The following KRT14 variants were observed in gnomAD, a reference collection of about 807,000 sequenced individuals.
KRT14 encodes the protein keratin 14.
A neutral mutation model predicts 44.5 loss-of-function variants in KRT14; 30 were observed. The ratio of observed to expected loss-of-function variants is 0.67; its 90% confidence interval spans 0.50 to 0.92. The LOEUF (loss-of-function observed/expected upper bound fraction) is 0.92, where lower values mean the gene tolerates loss of function less well. Ranked by LOEUF, KRT14 falls within the 40% of genes least tolerant of loss-of-function variation. KRT14 has a pLI of 0.00. For synonymous variants in KRT14, 241 were observed against 257.6 expected (o/e 0.94, Z 0.62); for missense variants, 535 against 640.6 (o/e 0.84, Z 1.78).
Position 41,586,535 on chromosome 17 carries a change from AAAGCCACCACCC to A in KRT14, c.288_299del (p.Leu96_Gly99del), listed in dbSNP as rs779907477. On this transcript the variant is annotated inframe_deletion, in exon 1 of 8. Coordinates refer to ENST00000167586, the MANE Select transcript of KRT14 (RefSeq NM_000526.5). Reference sequence around the variant, plus strand: ...CATCACCACCAGCAAAGCCACCACCAAAGCCACCACCCAAGCCAGCACCAAGGCCACCACCAT... The same window carrying A: ...CATCACCACCAGCAAAGCCACCACCAAAGCCAGCACCAAGGCCACCACCAT... 2 of 1,613,822 alleles carry A rather than the reference AAAGCCACCACCC, an allele frequency of 1.2e-6. No homozygotes were observed. The highest frequency in any genetic ancestry group is 1.7e-6 in the Non-Finnish European group (2 of 1,179,852).
At position 41,585,062 on chromosome 17, in the gene KRT14, A is replaced by G. The variant is rs779718959; in HGVS notation, c.526-5T>C. 28 of 1,609,864 alleles carry G rather than the reference A, an allele frequency of 1.7e-5. No individual in the cohort carries two copies. In the African/African-American group the frequency reaches 3.7e-4, roughly 22 times the overall value. On this transcript the variant is annotated splice_region_variant and splice_polypyrimidine_tract_variant and intron_variant, in intron 1 of 7. Coordinates refer to ENST00000167586, the MANE Select transcript of KRT14 (RefSeq NM_000526.5). ...GTCCACTGTGGCTGTGAGAATCTGCAGGATGGAAAAGGCACAGGTAATTTG... is the reference window on the plus strand; with the variant it reads ...GTCCACTGTGGCTGTGAGAATCTGCGGGATGGAAAAGGCACAGGTAATTTG...
At chr17:41,586,211 T>G in intron 1 of KRT14, 99 bp downstream of exon 1, 1 of 1,485,620 alleles carries the variant, frequency 6.7e-7, no homozygotes, top group Non-Finnish European at 9.4e-7. Flanking sequence ...GGGTGGACTC[T>G]GTCCTATAGA....
rs752718025 is a variant in KRT14 at position 41,584,246 on chromosome 17, A to G, written c.765+11T>C. 1.8e-5 allele frequency: 29 copies of G among 1,613,290 alleles called. No homozygotes were observed. The highest frequency in any genetic ancestry group is 2.5e-5 in the Non-Finnish European group (29 of 1,179,802). On this transcript the variant is annotated intron_variant, in intron 3 of 7. Coordinates refer to ENST00000167586, the MANE Select transcript of KRT14 (RefSeq NM_000526.5). ...ATTTCTTTTAAGCTGACTTTTCCAT[A>G]TAGTTCTCACCTCCTCGTGGTTCTT...
At position 41,582,742 on chromosome 17, in the gene KRT14, T is replaced by C. The variant is rs1047286589; in HGVS notation, c.1322-210A>G. On this transcript the variant is annotated intron_variant, in intron 7 of 7. Transcript: ENST00000167586. Reference sequence around the variant, plus strand: ...GCTCCCAAAGGTCAGAGACAGAGTCTTTGCCCTCAGATTAGAGCTTCCTAA... The same window carrying C: ...GCTCCCAAAGGTCAGAGACAGAGTCCTTGCCCTCAGATTAGAGCTTCCTAA... The C allele has an allele frequency of 1.6e-5, 10 of 621,454 alleles. No individual in the cohort carries two copies. In the African/African-American group the frequency reaches 1.8e-4, roughly 11 times the overall value. The allele number at this position is 621,454 out of a possible 1,614,324, so 38.5% of individuals were successfully genotyped here.
intron 1 of KRT14, among the ~76,000 whole-genome samples, chr17:41,585,631 C>T (rs1907501560): frequency 6.6e-6 from 1 of 152,210 alleles, no homozygotes; most frequent in Non-Finnish European, 1.5e-5. Flanking sequence ...ATTGAATTTC[C>T]CTAATCCATG....
Position 41,582,436 on chromosome 17 carries a change from C to T in KRT14, c.1418G>A (p.Ter473=), listed in dbSNP as rs1907365062. 1 of 1,560,524 alleles carries T rather than the reference C, an allele frequency of 6.4e-7. No homozygotes were observed. Among genetic ancestry groups the T allele is most frequent in the Non-Finnish European group, 8.7e-7 (1 of 1,152,326 alleles). The change falls in exon 8 of 8, where the codon TGA becomes TAA. Residue 473 remains the stop codon, a stop_retained_variant. Transcript: ENST00000167586. Reference sequence around the variant, plus strand: ...AGGCCTGAGCGGGGCTGGGCAGCCTCAGTTCTTGGTGCGAAGGACCTGCTC... The same window carrying T: ...AGGCCTGAGCGGGGCTGGGCAGCCTTAGTTCTTGGTGCGAAGGACCTGCTC... ...THEQVLRTKN[*] is the part of the protein sequence containing the mutation.
intron 3 of KRT14, 22 bp from the exon 4 acceptor site, chr17:41,583,943 A>G: frequency 6.2e-7 from 1 of 1,613,722 alleles, no homozygotes; most frequent in South Asian, 1.1e-5. Flanking sequence ...GGGACAGTCC[A>G]CAGTCAGGAG....
chr17:41,586,692 C>G lies in KRT14; in HGVS notation c.143G>C (p.Gly48Ala). ...GSCRAPSTYGGGLSVSSSRFS... is the reference protein window; with the variant it reads ...GSCRAPSTYGAGLSVSSSRFS... ...GCGGGAGGATGAGACAGACAGGCCG[C>G]CCCCGTAGGTGCTGGGGGCGCGGCA... The change falls in exon 1 of 8, where the codon GGC becomes GCC. Residue 48 changes from glycine (G) to alanine (A), a missense_variant. Coordinates refer to ENST00000167586, the MANE Select transcript of KRT14 (RefSeq NM_000526.5). 1 of 1,594,610 alleles carries G rather than the reference C, an allele frequency of 6.3e-7. No homozygotes were observed. Among genetic ancestry groups the G allele is most frequent in the Non-Finnish European group, 8.5e-7 (1 of 1,171,002 alleles).
At chr17:41,582,562 C>T in intron 7 of KRT14, 30 bp from the exon 8 acceptor site, 1 of 1,516,530 alleles carries the variant, frequency 6.6e-7, no homozygotes, top group Non-Finnish European at 9.0e-7. Flanking sequence ...AGGACGTTAC[C>T]AGAGGTGGAC....
At position 41,583,687 on chromosome 17, in the gene KRT14, G is replaced by C. The variant is rs376925607; in HGVS notation, c.928-11C>G. On this transcript the variant is annotated splice_polypyrimidine_tract_variant and intron_variant, in intron 4 of 7. Coordinates refer to ENST00000167586, the MANE Select transcript of KRT14 (RefSeq NM_000526.5). ...GTTCAGCTCCTCTGTCTGCAAAAAAGAGAATGCCATTCACACCAGAAGGCC... is the reference window on the plus strand; with the variant it reads ...GTTCAGCTCCTCTGTCTGCAAAAAACAGAATGCCATTCACACCAGAAGGCC... 1 of 1,614,214 alleles carries C rather than the reference G, an allele frequency of 6.2e-7. No individual in the cohort carries two copies. Among genetic ancestry groups the C allele is most frequent in the Non-Finnish European group, 8.5e-7 (1 of 1,180,028 alleles).
rs201609091 is a variant in KRT14 at position 41,582,417 on chromosome 17, G to A, written c.*18C>T. On this transcript the variant is annotated 3_prime_UTR_variant, in exon 8 of 8. Coordinates refer to ENST00000167586, the MANE Select transcript of KRT14 (RefSeq NM_000526.5). ...TCCACACGGGGGGCCTCCTAGGCCT[G>A]AGCGGGGCTGGGCAGCCTCAGTTCT... The A allele has an allele frequency of 4.5e-6, 7 of 1,548,846 alleles. No individual in the cohort carries two copies. The highest frequency in any genetic ancestry group is 6.1e-6 in the Non-Finnish European group (7 of 1,144,428).
chr17:41,584,546 G>T, intron 2 of KRT14, 133 bp from the exon 3 acceptor site: 5 of 922,258 alleles, frequency 5.4e-6, no homozygotes, highest in Non-Finnish European at 6.9e-6. Context: ...TGAAAATGGC[G>T]TGGTTGAACA....
At chr17:41,583,706 G>C (rs756003354) in intron 4 of KRT14, 30 bp from the exon 5 acceptor site, 3 of 1,614,250 alleles carry the variant, frequency 1.9e-6, no homozygotes, top group Admixed American at 1.7e-5. Flanking sequence ...ATTCACACCA[G>C]AAGGCCCCAG....
Position 41,586,649 on chromosome 17 carries a change from G to C in KRT14, c.186C>G (p.Ala62=), listed in dbSNP as rs1260194348. ...VSSSRFSSGG[A]CGLGGGYGGG... Reference sequence around the variant, plus strand: ...CGCCATAGCCGCCCCCCAGCCCGCAGGCTCCCCCAGAGGAGAAGCGGGAGG... The same window carrying C: ...CGCCATAGCCGCCCCCCAGCCCGCACGCTCCCCCAGAGGAGAAGCGGGAGG... The change falls in exon 1 of 8, where the codon GCC becomes GCG. Residue 62 remains alanine, a synonymous_variant. Coordinates refer to ENST00000167586, the MANE Select transcript of KRT14 (RefSeq NM_000526.5). 1 of 1,604,668 alleles carries C rather than the reference G, an allele frequency of 6.2e-7. No homozygotes were observed. Among genetic ancestry groups the C allele is most frequent in the Admixed American group, 1.7e-5 (1 of 57,914 alleles).
In KRT14 at chr17:41,582,765, T is replaced by C. The variant is rs1907376815; in HGVS notation, c.1322-233A>G. 8.2e-6 allele frequency: 5 copies of C among 608,444 alleles called. No homozygotes were observed. In the South Asian group the frequency reaches 9.8e-5, roughly 12 times the overall value. 37.7% of individuals were successfully genotyped at this position (608,444 alleles called of 1,614,324 possible). ...TCTTTGCCCTCAGATTAGAGCTTCCTAAGAGCTCACACCTGGCTGGTTCCA... is the reference window on the plus strand; with the variant it reads ...TCTTTGCCCTCAGATTAGAGCTTCCCAAGAGCTCACACCTGGCTGGTTCCA... On this transcript the variant is annotated intron_variant, in intron 7 of 7. Transcript: ENST00000167586.
In KRT14 at chr17:41,583,831, C is replaced by T. The variant is rs202157466; in HGVS notation, c.856G>A (p.Glu286Lys). 6.8e-6 allele frequency: 11 copies of T among 1,614,182 alleles called. No homozygotes were observed. Among genetic ancestry groups the T allele is most frequent in the Non-Finnish European group, 8.5e-6 (10 of 1,180,034 alleles). The change falls in exon 4 of 8, where the codon GAG becomes AAG. Residue 286 changes from glutamate to lysine, a missense_variant. Glu to Lys is a moderately conservative substitution (Grantham distance 56). Transcript: ENST00000167586. ...PGVDLSRILNEMRDQYEKMAE... is the reference protein window; with the variant it reads ...PGVDLSRILNKMRDQYEKMAE... Reference sequence around the variant, plus strand: ...ATCTTCTCATACTGGTCACGCATCTCGTTCAGAATGCGGCTCAGGTCCACG... The same window carrying T: ...ATCTTCTCATACTGGTCACGCATCTTGTTCAGAATGCGGCTCAGGTCCACG...
chr17:41,583,746 CA>C lies in KRT14; in HGVS notation c.927+13del. On this transcript the variant is annotated intron_variant, in intron 4 of 7. Transcript: ENST00000167586. ...CAGGTGGTCTGGGTTCCTTCCACCT[CA>C]AATGACACCCACCTTGGTGAAGAAC... 6.2e-7 allele frequency: 1 copy of C among 1,614,280 alleles called. No homozygotes were observed.
intron 2 of KRT14, 107 bp downstream of exon 2, chr17:41,584,868 T>A: frequency 2.4e-6 from 2 of 849,390 alleles, no homozygotes; most frequent in Non-Finnish European, 4.0e-6. Flanking sequence ...CCCAGGGAGT[T>A]TTCATGCACC....
intron 2 of KRT14, among the ~76,000 whole-genome samples, chr17:41,584,633 G>A (rs1260848124): frequency 1.3e-5 from 2 of 152,176 alleles, no homozygotes; most frequent in African/African-American, 2.4e-5. Context: ...GCAGAAATCA[G>A]GAGGGGGTTG....
Sources: allele counts gnomAD v4.1 joint callset (sites outside exome capture counted in the v4.1 genomes callset), GRCh38; gene constraint gnomAD v4.1.1; transcripts MANE v1.5; gene names NCBI Gene and HGNC (gene_info 2026-07-23, HGNC 2026-07-21).